Variants in GPHN observed in about 807,000 individuals in gnomAD.
GPHN encodes gephyrin.
Under a neutral mutation model 95.5 loss-of-function variants are expected in GPHN, and 17 were observed. That is an observed-to-expected ratio of 0.18 (90% CI 0.12 to 0.27). The LOEUF is 0.27. Among genes scored for constraint, GPHN ranks in the 10% least tolerant of loss-of-function variants. The pLI, the probability that GPHN is intolerant of heterozygous loss-of-function variation, is 1.00. For synonymous variants in GPHN, 320 were observed against 322.5 expected, an observed-to-expected ratio of 0.99 and a Z score of 0.08; for missense variants, 660 against 978.1, an observed-to-expected ratio of 0.67 and a Z score of 4.34.
At chr14:67,599,889 C>T in the GPHN span, 9 of 669,380 alleles carry the variant, frequency 1.3e-5, no homozygotes, top group South Asian at 1.4e-4. Context: ...CCCCAGAACC[C>T]GTGAGTTCCC....
the GPHN span, among the ~76,000 whole-genome samples, chr14:67,509,009 G>A: frequency 6.6e-6 from 1 of 152,164 alleles, no homozygotes; most frequent in Middle Eastern, 3.4e-3. Flanking sequence ...ATGAGGATTG[G>A]GGTCAAGAAT....
intron 1 of GPHN, among the ~76,000 whole-genome samples, chr14:66,672,632 A>G (rs2066362551): frequency 6.6e-6 from 1 of 152,130 alleles, no homozygotes; most frequent in Non-Finnish European, 1.5e-5. Context: ...ATTCTTGGAA[A>G]ATTCATCCCT....
At chr14:67,059,702 A>C (rs2075747475) in intron 11 of GPHN, among the ~76,000 whole-genome samples, 2 of 152,232 alleles carry the variant, frequency 1.3e-5, no homozygotes, top group Non-Finnish European at 2.9e-5. Flanking sequence ...ATTATAAAAA[A>C]TAATGGCAGC....
chr14:67,002,023 C>G (rs1594781447), intron 9 of GPHN, among the ~76,000 whole-genome samples: 1 of 151,594 alleles, frequency 6.6e-6, no homozygotes. Context: ...TTTTCCCTTT[C>G]AAAGCATTTC....
Position 66,607,250 on chromosome 14 carries a change from T to A in GPHN, c.65-73857T>A, listed in dbSNP as rs547390713. On this transcript the variant is annotated intron_variant, in intron 1 of 22. Transcript: ENST00000478722. ...TGATCATATGCTTTTTGTTTTTGAT[T>A]CTGTTTATGTGGTGAATCACATTTA... 2.0e-5 allele frequency among the ~76,000 whole-genome samples: 3 copies of A among 152,290 alleles called. 1 individual carries two copies. In the South Asian group the frequency reaches 6.2e-4, roughly 32 times the overall value.
chr14:67,718,431 AG>A, the GPHN span, among the ~76,000 whole-genome samples: 4 of 152,250 alleles, frequency 2.6e-5, no homozygotes, highest in Non-Finnish European at 5.9e-5. Flanking sequence ...ATGAGCTGCT[AG>A]ATGATTTATG....
At chr14:67,604,563 A>G in the GPHN span, among the ~76,000 whole-genome samples, 1 of 151,726 alleles carries the variant, frequency 6.6e-6, no homozygotes, top group African/African-American at 2.4e-5. Flanking sequence ...AAAGCTGGGC[A>G]TGGTGGCACA....
chr14:67,039,697 G>A (rs2074600580), intron 10 of GPHN, among the ~76,000 whole-genome samples: 1 of 152,206 alleles, frequency 6.6e-6, no homozygotes, highest in Admixed American at 6.5e-5. Context: ...GGAGGCTGAG[G>A]TGGGAGGATT....
the GPHN span, among the ~76,000 whole-genome samples, chr14:67,319,738 T>C: frequency 3.3e-5 from 5 of 152,372 alleles, no homozygotes; most frequent in Admixed American, 3.3e-4. Context: ...TTGGACGAGC[T>C]TGAACTATAG....
At chr14:66,551,436 A>G (rs1339001973) in intron 1 of GPHN, among the ~76,000 whole-genome samples, 3 of 152,120 alleles carry the variant, frequency 2.0e-5, no homozygotes, top group Non-Finnish European at 2.9e-5. Context: ...TCCTTAGCCC[A>G]TTTTACTCTA....
chr14:67,035,642 T>C (rs1410915503), intron 10 of GPHN, among the ~76,000 whole-genome samples: 5 of 151,912 alleles, frequency 3.3e-5, no homozygotes, highest in Non-Finnish European at 7.4e-5. Context: ...GATAAATTCC[T>C]AGAAACACAA....
intron 4 of GPHN, among the ~76,000 whole-genome samples, chr14:66,845,837 G>GTC (rs2062304771): frequency 6.6e-6 from 1 of 151,410 alleles, no homozygotes; most frequent in African/African-American, 2.4e-5. Flanking sequence ...GTGTGTGTGT[G>GTC]TGTGTGTGTG....
the GPHN span, chr14:67,575,957 C>A: frequency 4.3e-6 from 7 of 1,613,978 alleles, no homozygotes; most frequent in African/African-American, 1.3e-5. Flanking sequence ...TGATCCACCC[C>A]ACAGAGCACA....
At position 66,716,627 on chromosome 14, in the gene GPHN, G is replaced by C. The variant is rs142425555; in HGVS notation, c.143+35442G>C. On this transcript the variant is annotated intron_variant, in intron 2 of 22. Coordinates refer to ENST00000478722, the MANE Select transcript of GPHN (RefSeq NM_020806.5). Reference sequence around the variant, plus strand: ...TTTTTATAGGTCATGTGAGATTTATGCTTTAAATAAGTTCTGTTTTGATAT... The same window carrying C: ...TTTTTATAGGTCATGTGAGATTTATCCTTTAAATAAGTTCTGTTTTGATAT... Among the ~76,000 whole-genome samples the C allele has an allele frequency of 3.9e-3, 586 of 152,138 alleles. 6 individuals carry two copies. The highest frequency in any genetic ancestry group is 0.014 in the African/African-American group (570 of 41,516).
intron 3 of GPHN, among the ~76,000 whole-genome samples, chr14:66,810,143 C>A (rs566942390): frequency 6.6e-6 from 1 of 151,870 alleles, no homozygotes; most frequent in East Asian, 1.9e-4. Context: ...ACTTCTTTAA[C>A]CTTACTAAAA....
At chr14:67,392,610 G>T in the GPHN span, 2 of 1,525,542 alleles carry the variant, frequency 1.3e-6, no homozygotes, top group Non-Finnish European at 9.0e-7. Flanking sequence ...ATTCTGTTGT[G>T]TCTTCCTTAA....
the GPHN span, among the ~76,000 whole-genome samples, chr14:67,675,255 C>T: frequency 7.9e-5 from 12 of 152,138 alleles, no homozygotes; most frequent in African/African-American, 2.9e-4. Flanking sequence ...CGCCTGTAAT[C>T]CCAGTACTTT....
chr14:66,547,641 T>G (rs1300401669), intron 1 of GPHN, among the ~76,000 whole-genome samples: 1 of 152,212 alleles, frequency 6.6e-6, no homozygotes, highest in Non-Finnish European at 1.5e-5. Flanking sequence ...AGGCTCGGTG[T>G]GGTGATATAT....
intron 1 of GPHN, among the ~76,000 whole-genome samples, chr14:66,634,362 C>T (rs547124961): frequency 7.2e-5 from 11 of 152,134 alleles, no homozygotes; most frequent in African/African-American, 2.6e-4. Flanking sequence ...TATGATACTT[C>T]ACCTGTAATC....
Sources: allele counts gnomAD v4.1 joint callset (sites outside exome capture counted in the v4.1 genomes callset), GRCh38; gene constraint gnomAD v4.1.1; transcripts MANE v1.5; gene names NCBI Gene and HGNC (gene_info 2026-07-23, HGNC 2026-07-21).